Variants in MAGI2 observed in about 807,000 individuals in gnomAD.
MAGI2 encodes the protein membrane-associated guanylate kinase, WW and PDZ domain-containing protein 2.
In MAGI2, 35 loss-of-function variants were observed where a neutral mutation model predicts 133.3. The ratio of observed to expected loss-of-function variants is 0.26; its 90% CI spans 0.20 to 0.35. The LOEUF is 0.35. MAGI2 is among the 10% of genes least tolerant of loss of function. The pLI is 1.00. For missense variants in MAGI2, 1,636 were observed against 1,863.4 expected, an observed-to-expected ratio of 0.88 and a Z score of 2.25; for synonymous variants, 729 against 710.6, an observed-to-expected ratio of 1.03 and a Z score of -0.41.
At chr7:78,455,167 GA>G (rs1455201490) in intron 6 of MAGI2, among the ~76,000 whole-genome samples, 5 of 140,664 alleles carry the variant, frequency 3.6e-5, no homozygotes, top group Non-Finnish European at 7.5e-5. Context: ...TGTGTGGAGG[GA>G]GGGTGGGGCA....
At chr7:78,778,257 T>C (rs1395507225) in intron 2 of MAGI2, among the ~76,000 whole-genome samples, 1 of 152,170 alleles carries the variant, frequency 6.6e-6, no homozygotes, top group East Asian at 1.9e-4. Flanking sequence ...CTGGACAAAA[T>C]TTTGAAGTGA....
chr7:78,844,919 C>A (rs1792461795), intron 2 of MAGI2, among the ~76,000 whole-genome samples: 1 of 151,910 alleles, frequency 6.6e-6, no homozygotes, highest in African/African-American at 2.4e-5. Flanking sequence ...TTGATGCCAT[C>A]TCCAAGAAAG....
At chr7:78,704,115 C>T (rs559409274) in intron 2 of MAGI2, among the ~76,000 whole-genome samples, 4 of 152,206 alleles carry the variant, frequency 2.6e-5, no homozygotes, top group African/African-American at 4.8e-5. Flanking sequence ...TCAGATCCAT[C>T]AACAGAGTAA....
rs1375100937 is a variant in MAGI2, at chr7:78,018,213, A to C, written c.*1102T>G. On this transcript the variant is annotated 3_prime_UTR_variant, in exon 22 of 22. Coordinates refer to ENST00000354212, the MANE Select transcript of MAGI2 (RefSeq NM_012301.4). ...AAGGAAAGAAGGATAAGCAGAAAGGAATGCTAAAAAGACTCACGTTCTTTA... is the reference window on the plus strand; with the variant it reads ...AAGGAAAGAAGGATAAGCAGAAAGGCATGCTAAAAAGACTCACGTTCTTTA... 1 of 152,632 alleles carries C rather than the reference A, an allele frequency of 6.6e-6. No homozygotes were observed. The highest frequency in any genetic ancestry group is 2.4e-5 in the African/African-American group (1 of 41,468). 9.5% of individuals were successfully genotyped at this position (152,632 alleles called of 1,614,324 possible).
intron 1 of MAGI2, among the ~76,000 whole-genome samples, chr7:79,277,461 G>C (rs970543048): frequency 6.6e-6 from 1 of 151,976 alleles, no homozygotes; most frequent in East Asian, 1.9e-4. Flanking sequence ...TATTGTGGTG[G>C]TCTGGACCCA....
At chr7:78,554,268 G>A (rs776834790) in intron 3 of MAGI2, among the ~76,000 whole-genome samples, 2 of 152,130 alleles carry the variant, frequency 1.3e-5, no homozygotes, top group East Asian at 3.9e-4. Flanking sequence ...CAGTCACCAA[G>A]GCTTGTGTAA....
chr7:78,746,313 C>T (rs993191167), intron 2 of MAGI2, among the ~76,000 whole-genome samples: 6 of 152,182 alleles, frequency 3.9e-5, no homozygotes, highest in Admixed American at 6.5e-5. Context: ...GTAATACTAA[C>T]GAAGTCAAAT....
At chr7:79,165,770 G>A (rs1318632754) in intron 1 of MAGI2, among the ~76,000 whole-genome samples, 1 of 152,032 alleles carries the variant, frequency 6.6e-6, no homozygotes, top group Admixed American at 6.6e-5. Flanking sequence ...CTTTCAGACA[G>A]GATCATAGCT....
At chr7:78,385,029 G>A (rs1472948508) in intron 6 of MAGI2, among the ~76,000 whole-genome samples, 1 of 152,242 alleles carries the variant, frequency 6.6e-6, no homozygotes, top group Admixed American at 6.5e-5. Context: ...GCCGTGAAAC[G>A]CATGGATCCT....
At chr7:78,877,886 T>C (rs542415870) in intron 2 of MAGI2, among the ~76,000 whole-genome samples, 2 of 152,324 alleles carry the variant, frequency 1.3e-5, no homozygotes, top group Admixed American at 1.3e-4. Flanking sequence ...TAAAAGTACT[T>C]ATTGATTAAA....
At chr7:78,324,574 T>G (rs558201254) in intron 9 of MAGI2, among the ~76,000 whole-genome samples, 1 of 144,932 alleles carries the variant, frequency 6.9e-6, no homozygotes, top group South Asian at 2.1e-4. Context: ...ATTAAGAATG[T>G]GGCACAATGT....
chr7:79,357,486 T>C (rs1377582969), intron 1 of MAGI2, among the ~76,000 whole-genome samples: 1 of 152,220 alleles, frequency 6.6e-6, no homozygotes, highest in African/African-American at 2.4e-5. Flanking sequence ...GTACCATCAC[T>C]TTAATGTCCT....
At chr7:78,216,060 A>T (rs923753747) in intron 10 of MAGI2, among the ~76,000 whole-genome samples, 2 of 152,216 alleles carry the variant, frequency 1.3e-5, no homozygotes, top group Admixed American at 1.3e-4. Flanking sequence ...GGTGGAGAAA[A>T]TGTAAGAGTG....
At chr7:78,557,995 A>C (rs575040537) in intron 3 of MAGI2, among the ~76,000 whole-genome samples, 2 of 151,102 alleles carry the variant, frequency 1.3e-5, no homozygotes, top group East Asian at 3.9e-4. Context: ...TTTAAAAAAT[A>C]GTTGATTGTG....
chr7:79,136,114 AAAGAAAG>A (rs1821534588), intron 1 of MAGI2, among the ~76,000 whole-genome samples: 2 of 151,084 alleles, frequency 1.3e-5, no homozygotes, highest in Admixed American at 1.3e-4. Context: ...AGAAAGAAAG[AAAGAAAG>A]AAAGAAAGAC....
chr7:79,029,229 C>T (rs541290735), intron 1 of MAGI2, among the ~76,000 whole-genome samples: 30 of 151,820 alleles, frequency 2.0e-4, no homozygotes, highest in African/African-American at 5.6e-4. Flanking sequence ...TTGCTGACTC[C>T]GAAAAATCTG....
chr7:78,459,453 G>T (rs937945643), intron 6 of MAGI2, among the ~76,000 whole-genome samples: 1 of 152,084 alleles, frequency 6.6e-6, no homozygotes, highest in Non-Finnish European at 1.5e-5. Flanking sequence ...TAAATGCAGA[G>T]GCTGAATATT....
chr7:78,214,007 T>C (rs538094837), intron 10 of MAGI2, among the ~76,000 whole-genome samples: 5 of 152,278 alleles, frequency 3.3e-5, no homozygotes, highest in South Asian at 4.1e-4. Flanking sequence ...TGCTGTTGAG[T>C]TGGAATAAAA....
rs1392837697 is a variant in MAGI2 at position 78,903,218 on chromosome 7, G to C, written c.418+103872C>G. ...TTTTTTTTTTTTTTTTTTTGAGACA[G>C]AGTCTCGCTCTTTCGCCCAGGCTGG... On this transcript the variant is annotated intron_variant, in intron 2 of 21. Coordinates refer to ENST00000354212, the MANE Select transcript of MAGI2 (RefSeq NM_012301.4). Among the ~76,000 whole-genome samples the C allele has an allele frequency of 7.1e-5, 6 of 85,072 alleles. No homozygotes were observed. In the Admixed American group the frequency reaches 1.2e-3, roughly 17 times the overall value. 55.8% of individuals were successfully genotyped at this position (85,072 alleles called of 152,430 possible).
Sources: allele counts gnomAD v4.1 joint callset (sites outside exome capture counted in the v4.1 genomes callset), GRCh38; gene constraint gnomAD v4.1.1; transcripts MANE v1.5; gene names NCBI Gene and HGNC (gene_info 2026-07-23, HGNC 2026-07-21).